RNGTT: variants seen among roughly 807,000 people sequenced by gnomAD.
RNGTT encodes RNA guanylyltransferase and 5'-phosphatase.
RNGTT carries 33 observed loss-of-function variants against 79.3 expected under a neutral mutation model. The observed-to-expected ratio is 0.42, with a 90% CI of 0.32 to 0.56. RNGTT has a LOEUF of 0.56. Ranked by LOEUF, RNGTT falls within the 20% of genes least tolerant of loss-of-function variation. The pLI is 0.17. For missense variants in RNGTT, 497 were observed against 739.1 expected (o/e 0.67, Z 3.80); for synonymous variants, 222 against 235.9 (o/e 0.94, Z 0.54).
At chr6:88,949,168 A>T (rs1182668324) in intron 1 of RNGTT, among the ~76,000 whole-genome samples, 1 of 145,420 alleles carries the variant, frequency 6.9e-6, no homozygotes, top group African/African-American at 2.5e-5. Flanking sequence ...TGAAAAAAAA[A>T]AAAAAAAAAA....
At chr6:88,687,684 A>G (rs1169170117) in intron 13 of RNGTT, among the ~76,000 whole-genome samples, 1 of 151,822 alleles carries the variant, frequency 6.6e-6, no homozygotes, top group African/African-American at 2.4e-5. Flanking sequence ...GGCGCAAGAG[A>G]GGATATATAG....
intron 10 of RNGTT, among the ~76,000 whole-genome samples, chr6:88,845,940 T>C (rs1582535228): frequency 6.6e-6 from 1 of 152,010 alleles, no homozygotes; most frequent in African/African-American, 2.4e-5. Context: ...ATTAGAGTTA[T>C]TAAAAGAATT....
intron 14 of RNGTT, among the ~76,000 whole-genome samples, chr6:88,640,236 G>T (rs1461204798): frequency 6.6e-6 from 1 of 152,052 alleles, no homozygotes. Flanking sequence ...CATGTGGTAG[G>T]TATTAATTAA....
At chr6:88,771,670 T>A (rs1199410692) in intron 12 of RNGTT, among the ~76,000 whole-genome samples, 1 of 152,072 alleles carries the variant, frequency 6.6e-6, no homozygotes, top group Non-Finnish European at 1.5e-5. Context: ...AATTTTCTGA[T>A]TCATAAACAC....
At chr6:88,828,330 GA>G (rs1254733412) in intron 11 of RNGTT, among the ~76,000 whole-genome samples, 2 of 152,156 alleles carry the variant, frequency 1.3e-5, no homozygotes, top group African/African-American at 4.8e-5. Context: ...CTAACAAACA[GA>G]AAGGAATAGC....
intron 8 of RNGTT, among the ~76,000 whole-genome samples, chr6:88,864,842 C>G (rs1212458703): frequency 6.6e-6 from 1 of 152,084 alleles, no homozygotes; most frequent in Non-Finnish European, 1.5e-5. Context: ...CCAGTCACAA[C>G]TGGACAAACA....
At chr6:88,737,369 G>A (rs1489667920) in intron 13 of RNGTT, among the ~76,000 whole-genome samples, 1 of 152,100 alleles carries the variant, frequency 6.6e-6, no homozygotes, top group Non-Finnish European at 1.5e-5. Context: ...CACTTTAGAT[G>A]ATATTTAGAT....
intron 11 of RNGTT, among the ~76,000 whole-genome samples, chr6:88,804,450 C>T (rs1779892572): frequency 6.6e-6 from 1 of 152,074 alleles, no homozygotes; most frequent in Non-Finnish European, 1.5e-5. Context: ...CAAGACCAAC[C>T]TGGCCAACAC....
intron 11 of RNGTT, among the ~76,000 whole-genome samples, chr6:88,819,220 A>G (rs1345480694): frequency 2.0e-5 from 3 of 152,174 alleles, no homozygotes; most frequent in African/African-American, 7.2e-5. Context: ...AGATAAAGTC[A>G]TTTTTCCTGA....
At chr6:88,881,536 T>A (rs1782693691) in intron 8 of RNGTT, among the ~76,000 whole-genome samples, 3 of 152,110 alleles carry the variant, frequency 2.0e-5, no homozygotes, top group South Asian at 2.1e-4. Flanking sequence ...ATAGGAAAAG[T>A]CCAACTTCAT....
At chr6:88,945,406 G>T in intron 1 of RNGTT, among the ~76,000 whole-genome samples, 1 of 152,164 alleles carries the variant, frequency 6.6e-6, no homozygotes, top group East Asian at 1.9e-4. Flanking sequence ...AGCATTTCAT[G>T]TATCTGACAA....
At chr6:88,793,276 A>G (rs187738887) in intron 12 of RNGTT, among the ~76,000 whole-genome samples, 10 of 152,356 alleles carry the variant, frequency 6.6e-5, no homozygotes, top group Admixed American at 5.9e-4. Flanking sequence ...GAAAATGAAA[A>G]TGATGAACTA....
intron 8 of RNGTT, among the ~76,000 whole-genome samples, chr6:88,877,497 AT>A (rs1162198687): frequency 2.0e-5 from 3 of 151,822 alleles, no homozygotes; most frequent in South Asian, 2.1e-4. Flanking sequence ...GAATCTCTGA[AT>A]TTTTTTTTAA....
At chr6:88,877,204 G>A (rs1041000460) in intron 8 of RNGTT, among the ~76,000 whole-genome samples, 1 of 152,144 alleles carries the variant, frequency 6.6e-6, no homozygotes, top group African/African-American at 2.4e-5. Flanking sequence ...TGTAATAATG[G>A]TTTTCAAAAC....
At chr6:88,656,773 A>C (rs1384590668) in intron 14 of RNGTT, among the ~76,000 whole-genome samples, 1 of 150,848 alleles carries the variant, frequency 6.6e-6, no homozygotes, top group Non-Finnish European at 1.5e-5. Context: ...GAAGATGTTA[A>C]GAGATTAAAA....
intron 14 of RNGTT, among the ~76,000 whole-genome samples, chr6:88,619,659 GTT>G (rs977647207): frequency 2.1e-5 from 3 of 142,570 alleles, no homozygotes; most frequent in African/African-American, 9.2e-5. Context: ...TGTACATAGA[GTT>G]AAACTAAATT....
chr6:88,931,225 A>T (rs1020776017), intron 2 of RNGTT, among the ~76,000 whole-genome samples: 11 of 147,778 alleles, frequency 7.4e-5, no homozygotes, highest in African/African-American at 2.7e-4. Context: ...AAGAAGTTCT[A>T]TGTGCTAATA....
chr6:88,819,610 A>G (rs1780435344), intron 11 of RNGTT, among the ~76,000 whole-genome samples: 1 of 152,170 alleles, frequency 6.6e-6, no homozygotes, highest in African/African-American at 2.4e-5. Flanking sequence ...TCAAACTACC[A>G]ACAAGGACTT....
chr6:88,761,018 T>TACACACAC lies in RNGTT; in HGVS notation c.1439+8748_1439+8755dup, dbSNP rs59719740. ...TTTTAATGAATTGAAGCAAAAGAAA[T>TACACACAC]ACACACACACACACACACACACACA... On this transcript the variant is annotated intron_variant, in intron 13 of 15. Transcript: ENST00000369485. Among the ~76,000 whole-genome samples the TACACACAC allele has an allele frequency of 6.7e-3, 883 of 131,228 alleles. 8 individuals carry two copies. The highest frequency in any genetic ancestry group is 0.012 in the Middle Eastern group (3 of 248). The allele number at this position is 131,228 out of a possible 152,430, so 86.1% of individuals were successfully genotyped here.
Sources: allele counts gnomAD v4.1 joint callset (sites outside exome capture counted in the v4.1 genomes callset), GRCh38; gene constraint gnomAD v4.1.1; transcripts MANE v1.5; gene names NCBI Gene and HGNC (gene_info 2026-07-23, HGNC 2026-07-21).